The following DUT variants were observed in gnomAD, a reference collection of about 807,000 sequenced individuals.
DUT encodes the protein deoxyuridine 5'-triphosphate nucleotidohydrolase, mitochondrial.
A neutral mutation model predicts 28.8 loss-of-function variants in DUT; 21 were observed. That is an observed-to-expected ratio of 0.73 (90% CI 0.52 to 1.05). The LOEUF is 1.05. Ranked by LOEUF, DUT falls within the 50% of genes least tolerant of loss-of-function variation. The pLI is 0.00. For synonymous variants in DUT, 147 were observed against 143.7 expected (o/e 1.02, Z -0.17); for missense variants, 344 against 351.8 (o/e 0.98, Z 0.18).
chr15:48,332,194 C>T, intron 1 of DUT, 74 bp from the exon 2 acceptor site: 2 of 1,504,476 alleles, frequency 1.3e-6, no homozygotes, highest in Admixed American at 2.3e-5. Flanking sequence ...TGCGGCGACG[C>T]TCATCGTGCG....
In DUT at chr15:48,332,314, G is replaced by A. The variant is rs780081759; in HGVS notation, c.327G>A (p.Val109=). Residue 109 remains valine, a synonymous_variant, in exon 2 of 7, where the codon GTG becomes GTA. Transcript: ENST00000331200. ...SPSKRARPAE[V]GGMQLRFARL... ...GTAAGCGGGCCCGGCCTGCGGAGGTGGGCGGCATGCAGCTCCGCTTTGCCC... is the reference window on the plus strand; with the variant it reads ...GTAAGCGGGCCCGGCCTGCGGAGGTAGGCGGCATGCAGCTCCGCTTTGCCC... 7.6e-5 allele frequency: 122 copies of A among 1,608,864 alleles called. No individual in the cohort carries two copies. The highest frequency in any genetic ancestry group is 1.7e-4 in the Middle Eastern group (1 of 6,052).
At chr15:48,338,429 T>C (rs755970666) in intron 4 of DUT, among the ~76,000 whole-genome samples, 9 of 152,034 alleles carry the variant, frequency 5.9e-5, no homozygotes, top group Non-Finnish European at 8.8e-5. Context: ...TAGAAGATAC[T>C]ATAAAGCCAA....
chr15:48,336,943 A>T (rs16960782), intron 4 of DUT, among the ~76,000 whole-genome samples: 2,960 of 152,260 alleles, frequency 0.019, 108 homozygotes, highest in African/African-American at 0.068. Flanking sequence ...TTCCACTGCA[A>T]TTAATTGTGG....
In DUT at chr15:48,331,724, C is replaced by T. The variant is rs892143966; in HGVS notation, c.209C>T (p.Ala70Val). Residue 70 changes from alanine (A) to valine (V), a missense_variant, in exon 1 of 7, where the codon GCC (alanine) becomes GTC (valine). Coordinates refer to ENST00000331200, the MANE Select transcript of DUT (RefSeq NM_001025248.2). ...AGRLSQGCRG[A>V]STVGAAGWKG... ...CGCCTGAGCCAAGGCTGCCGCGGAG[C>T]CAGTACAGTCGGGGCCGCTGGCTGG... 2.1e-4 allele frequency: 315 copies of T among 1,491,070 alleles called. No individual in the cohort carries two copies. The highest frequency in any genetic ancestry group is 2.7e-4 in the Non-Finnish European group (301 of 1,122,050). The allele number at this position is 1,491,070 out of a possible 1,614,324, so 92.4% of individuals were successfully genotyped here. A position where few individuals can be genotyped will look rare whatever the true frequency, so the allele number is the denominator to read the frequency against.
chr15:48,340,277 G>A (rs2042519446), intron 4 of DUT: 1 of 152,076 alleles, frequency 6.6e-6, no homozygotes, highest in Non-Finnish European at 1.5e-5. Flanking sequence ...GCAGGAAATT[G>A]GGGGTGGGAG....
intron 4 of DUT, among the ~76,000 whole-genome samples, chr15:48,336,590 C>G (rs916624931): frequency 6.6e-6 from 1 of 152,164 alleles, no homozygotes; most frequent in Non-Finnish European, 1.5e-5. Context: ...CCTCAGTGTC[C>G]TCTGCTAACT....
chr15:48,332,263 TGAA>T lies in DUT; in HGVS notation c.281-2_281del, dbSNP rs751028430. 1 of 1,606,822 alleles carries T rather than the reference TGAA, an allele frequency of 6.2e-7. No homozygotes were observed. The highest frequency in any genetic ancestry group is 1.1e-5 in the South Asian group (1 of 90,656). ...CTTCTGGCTCTGCCATGCCCTGCTC[TGAA>T]GAGACACCCGCCATTTCACCCAGTA... On this transcript the variant is annotated splice_acceptor_variant and splice_polypyrimidine_tract_variant and intron_variant, in intron 1 of 6. Transcript: ENST00000331200. LOFTEE classifies it high-confidence loss of function.
chr15:48,333,326 G>C (rs1260886511), intron 2 of DUT, among the ~76,000 whole-genome samples: 1 of 152,166 alleles, frequency 6.6e-6, no homozygotes, highest in Non-Finnish European at 1.5e-5. Flanking sequence ...AAAAACTACA[G>C]TCTCTTAATT....
chr15:48,341,509 T>G lies in DUT; in HGVS notation c.632-6T>G. On this transcript the variant is annotated splice_polypyrimidine_tract_variant and splice_region_variant and intron_variant, in intron 5 of 6. Transcript: ENST00000331200. ...ACGTCAGTAATAAACTATTCTTTCT[T>G]TGAAGTCAAAAAAGGTGATCGAATT... 1 of 1,612,844 alleles carries G rather than the reference T, an allele frequency of 6.2e-7. No homozygotes were observed. Among genetic ancestry groups the G allele is most frequent in the Non-Finnish European group, 8.5e-7 (1 of 1,179,318 alleles).
At position 48,331,677 on chromosome 15, in the gene DUT, C is replaced by A; in HGVS notation, c.162C>A (p.Pro54=). 1 of 1,533,730 alleles carries A rather than the reference C, an allele frequency of 6.5e-7. No homozygotes were observed. Among genetic ancestry groups the A allele is most frequent in the Non-Finnish European group, 8.8e-7 (1 of 1,140,238 alleles). ...GCCGCGCCGCGCAGCACGGGATTCCCCGGCCGCTGTCCAGCGCTGGCCGCC... is the reference window on the plus strand; with the variant it reads ...GCCGCGCCGCGCAGCACGGGATTCCACGGCCGCTGTCCAGCGCTGGCCGCC... ...PLGRAAQHGI[P]RPLSSAGRLS... Residue 54 remains proline, a synonymous_variant, in exon 1 of 7, where the codon CCC becomes CCA. Transcript: ENST00000331200.
upstream of DUT, chr15:48,331,346 G>A (rs2042404665): frequency 2.2e-5 from 32 of 1,454,860 alleles, no homozygotes; most frequent in Admixed American, 2.7e-5. Flanking sequence ...GGGGCCCCAG[G>A]GCCTGCGCCA....
intron 3 of DUT, among the ~76,000 whole-genome samples, chr15:48,335,818 A>C (rs2042469213): frequency 6.6e-6 from 1 of 152,210 alleles, no homozygotes; most frequent in Non-Finnish European, 1.5e-5. Flanking sequence ...GGAGTGGTTT[A>C]AGTTAGTTTT....
chr15:48,332,413 G>C lies in DUT; in HGVS notation c.419+7G>C, dbSNP rs1566871814. The C allele has an allele frequency of 1.3e-6, 2 of 1,538,776 alleles. No homozygotes were observed. The highest frequency in any genetic ancestry group is 1.7e-6 in the Non-Finnish European group (2 of 1,149,612). On this transcript the variant is annotated splice_region_variant and intron_variant, in intron 2 of 6. Coordinates refer to ENST00000331200, the MANE Select transcript of DUT (RefSeq NM_001025248.2). The stretch of plus-strand genomic sequence containing the variant: ...CGGGCTACGACCTGTACAGGTGAGC[G>C]GGGACCTGCCGGCGAGGAGGCTGGG...
chr15:48,332,684 A>G (rs1468034954), intron 2 of DUT: 7 of 637,642 alleles, frequency 1.1e-5, no homozygotes, highest in Non-Finnish European at 5.8e-6. Flanking sequence ...AGGAAGGCCC[A>G]TGGTGGCTTT....
At chr15:48,339,250 A>G (rs1423498558) in intron 4 of DUT, among the ~76,000 whole-genome samples, 5 of 152,220 alleles carry the variant, frequency 3.3e-5, no homozygotes, top group Non-Finnish European at 4.4e-5. Flanking sequence ...ATATTTCTGT[A>G]ACATTAGCTA....
chr15:48,340,999 A>G (rs904597821), intron 4 of DUT: 2 of 258,392 alleles, frequency 7.7e-6, no homozygotes, highest in Non-Finnish European at 7.3e-6. Context: ...CCGTGGGTAG[A>G]CAGTAGGTTG....
chr15:48,331,252 G>C, upstream of DUT: 1 of 1,470,402 alleles, frequency 6.8e-7, no homozygotes, highest in Non-Finnish European at 8.9e-7. Flanking sequence ...ATGGGGGCCA[G>C]AGCAAACAAG....
rs1182021740 is a variant in DUT, at chr15:48,332,412, CG to C, written c.419+10del. 3 of 1,537,444 alleles carry C rather than the reference CG, an allele frequency of 2.0e-6. No homozygotes were observed. The African/African-American group carries it at 4.1e-5, about 21-fold the overall frequency. ...GCGGGCTACGACCTGTACAGGTGAG[CG>C]GGGACCTGCCGGCGAGGAGGCTGGG... is the stretch of plus-strand genomic sequence containing the variant. On this transcript the variant is annotated splice_region_variant and intron_variant, in intron 2 of 6. Coordinates refer to ENST00000331200, the MANE Select transcript of DUT (RefSeq NM_001025248.2).
intron 4 of DUT, among the ~76,000 whole-genome samples, chr15:48,337,450 C>G (rs1307104941): frequency 6.6e-6 from 1 of 152,152 alleles, no homozygotes; most frequent in Non-Finnish European, 1.5e-5. Context: ...GAGCCTGTTT[C>G]CTCATTTTAC....
Sources: allele counts gnomAD v4.1 joint callset (sites outside exome capture counted in the v4.1 genomes callset), GRCh38; gene constraint gnomAD v4.1.1; transcripts MANE v1.5; gene names NCBI Gene and HGNC (gene_info 2026-07-23, HGNC 2026-07-21).